ACIN1: variants seen among roughly 807,000 people sequenced by gnomAD.
The protein encoded by ACIN1 is apoptotic chromatin condensation inducer in the nucleus.
Under a neutral mutation model 146.6 loss-of-function variants are expected in ACIN1, and 16 were observed. The observed-to-expected ratio is 0.11, with a 90% CI of 0.07 to 0.17. The LOEUF is 0.17. Ranked by LOEUF, ACIN1 falls within the 10% of genes least tolerant of loss-of-function variation. ACIN1 has a pLI of 1.00. For synonymous variants in ACIN1, 569 were observed against 582.7 expected (o/e 0.98, Z 0.34); for missense variants, 1,357 against 1,609.3 (o/e 0.84, Z 2.68).
intron 9 of ACIN1, among the ~76,000 whole-genome samples, chr14:23,066,946 T>C (rs976739665): frequency 2.6e-5 from 4 of 152,102 alleles, no homozygotes; most frequent in Admixed American, 2.0e-4. Flanking sequence ...TGCTTATTTC[T>C]GGAAAAACTA....
chr14:23,067,896 G>A lies in ACIN1; in HGVS notation c.2265+1580C>T. 3 of 985,908 alleles carry A rather than the reference G, an allele frequency of 3.0e-6. No homozygotes were observed. The highest frequency in any genetic ancestry group is 3.6e-6 in the Non-Finnish European group (3 of 829,942). The allele number at this position is 985,908 out of a possible 1,614,324, so 61.1% of individuals were successfully genotyped here. ...TAGGTGAATACCCCAGGACCTGGCA[G>A]ACATTCAGCAGCAAGGTCAGAATAC... On this transcript the variant is annotated intron_variant, in intron 9 of 18. Coordinates refer to ENST00000605057, the MANE Select transcript of ACIN1 (RefSeq NM_001386863.1). The surrounding 1 kb of genome is among the most constrained non-coding windows in gnomAD (Gnocchi z 4.6).
chr14:23,080,172 G>C lies in ACIN1; in HGVS notation c.1163C>G (p.Pro388Arg), dbSNP rs753063259. ...EEIEPMEGPA[P>R]AVLIQLSPPN... ...AGGAGATAACTGAATGAGGACAGCG[G>C]GGGCTGGGCCTTCCATGGGCTCTAT... is the stretch of plus-strand genomic sequence containing the variant. The change falls in exon 6 of 19, where the codon CCC (proline) becomes CGC (arginine). Residue 388 changes from proline to arginine, a missense_variant. Coordinates refer to ENST00000605057, the MANE Select transcript of ACIN1 (RefSeq NM_001386863.1). The C allele has an allele frequency of 8.1e-6, 13 of 1,614,016 alleles. No homozygotes were observed. Among genetic ancestry groups the C allele is most frequent in the East Asian group, 2.2e-5 (1 of 44,886 alleles).
chr14:23,095,587 A>G, upstream of ACIN1: 1 of 391,668 alleles, frequency 2.6e-6, no homozygotes, highest in South Asian at 3.3e-5. Context: ...GACTCGTGAC[A>G]ATCTTCGGGT....
In ACIN1 at chr14:23,063,094, A is replaced by T. The variant is rs1372305321; in HGVS notation, c.2738-20T>A. 4 of 1,589,218 alleles carry T rather than the reference A, an allele frequency of 2.5e-6. No individual in the cohort carries two copies. Among genetic ancestry groups the T allele is most frequent in the Non-Finnish European group, 3.4e-6 (4 of 1,168,782 alleles). ...AAGTCACTATCAAGAAGACCACAAG[A>T]ACAGCTTTTGGTAGGAAGCAATACT... On this transcript the variant is annotated intron_variant, in intron 13 of 18. Coordinates refer to ENST00000605057, the MANE Select transcript of ACIN1 (RefSeq NM_001386863.1).
At position 23,064,386 on chromosome 14, in the gene ACIN1, G is replaced by A; in HGVS notation, c.2411C>T (p.Pro804Leu). The change falls in exon 11 of 19, where the codon CCT becomes CTT. Residue 804 changes from proline to leucine, a missense_variant. Coordinates refer to ENST00000605057, the MANE Select transcript of ACIN1 (RefSeq NM_001386863.1). ...TGATTCAGTGGTGATACTGATGGAA[G>A]GTTTCTTCTGTGTGGTGGCTGTGCT... ...GASTATTQKK[P>L]SISITTESLK... 1.2e-6 allele frequency: 2 copies of A among 1,614,270 alleles called. No individual in the cohort carries two copies. The highest frequency in any genetic ancestry group is 8.5e-7 in the Non-Finnish European group (1 of 1,180,048).
chr14:23,060,185 T>C (rs2047232081), intron 18 of ACIN1, among the ~76,000 whole-genome samples: 1 of 149,592 alleles, frequency 6.7e-6, no homozygotes, highest in African/African-American at 2.5e-5. Context: ...ATCAAACTCC[T>C]GGCTTAGATG....
intron 16 of ACIN1, among the ~76,000 whole-genome samples, chr14:23,061,936 T>C (rs150756113): frequency 6.0e-5 from 8 of 132,578 alleles, no homozygotes; most frequent in South Asian, 4.8e-4. Flanking sequence ...ATCGCGCCAC[T>C]GCACTCCAGC....
Position 23,069,201 on chromosome 14 carries a change from G to C in ACIN1, c.2265+275C>G, listed in dbSNP as rs1173521282. On this transcript the variant is annotated intron_variant, in intron 9 of 18. Transcript: ENST00000605057. Reference sequence around the variant, plus strand: ...AAGCTGAACATAAATCTTAGATAAAGGGCCATTATCAGACTTTCCCGTTAG... The same window carrying C: ...AAGCTGAACATAAATCTTAGATAAACGGCCATTATCAGACTTTCCCGTTAG... 4.3e-6 allele frequency: 5 copies of C among 1,149,962 alleles called. No individual in the cohort carries two copies. In the African/African-American group the frequency reaches 8.0e-5, roughly 18 times the overall value. The allele number at this position is 1,149,962 out of a possible 1,614,324, so 71.2% of individuals were successfully genotyped here. A position where few individuals can be genotyped will look rare whatever the true frequency, so the allele number is the denominator to read the frequency against.
Position 23,061,528 on chromosome 14 carries a change from G to T in ACIN1, c.3194C>A (p.Pro1065His). The change falls in exon 17 of 19, where the codon CCC becomes CAC. Residue 1065 changes from proline to histidine, a missense_variant. Physicochemically the swap from Pro to His is moderately conservative, Grantham distance 77. This residue lies in a region of ACIN1 where 509 missense variants were observed against 719.6 expected (regional missense o/e 0.71). Coordinates refer to ENST00000605057, the MANE Select transcript of ACIN1 (RefSeq NM_001386863.1). ...IPRPLHPPPP[P>H]PVQPPQHPRA... is the part of the protein sequence containing the mutation. ...GGGGTGCTGTGGTGGCTGGACCGGGGGTGGGGGTGGGGGGTGCAGGGGCCG... is the reference window on the plus strand; with the variant it reads ...GGGGTGCTGTGGTGGCTGGACCGGGTGTGGGGGTGGGGGGTGCAGGGGCCG... 2 of 1,604,142 alleles carry T rather than the reference G, an allele frequency of 1.2e-6. No homozygotes were observed. Among genetic ancestry groups the T allele is most frequent in the Non-Finnish European group, 8.5e-7 (1 of 1,175,644 alleles).
At position 23,068,327 on chromosome 14, in the gene ACIN1, T is replaced by C; in HGVS notation, c.2265+1149A>G. ...CACAGTCCTCAAAAGGGCAAGGGCA[T>C]GTGGGCAGGCGCCCCAGCACTGGCA... On this transcript the variant is annotated intron_variant, in intron 9 of 18. Coordinates refer to ENST00000605057, the MANE Select transcript of ACIN1 (RefSeq NM_001386863.1). The surrounding 1 kb of genome is among the most constrained non-coding windows in gnomAD (Gnocchi z 4.3). 1 of 985,944 alleles carries C rather than the reference T, an allele frequency of 1.0e-6. No individual in the cohort carries two copies. Among genetic ancestry groups the C allele is most frequent in the Non-Finnish European group, 1.2e-6 (1 of 829,976 alleles). The allele number at this position is 985,944 out of a possible 1,614,324, so 61.1% of individuals were successfully genotyped here. A position where few individuals can be genotyped will look rare whatever the true frequency, so the allele number is the denominator to read the frequency against.
At position 23,080,847 on chromosome 14, in the gene ACIN1, G is replaced by T. The variant is rs760220160; in HGVS notation, c.526-38C>A. On this transcript the variant is annotated intron_variant, in intron 5 of 18. Coordinates refer to ENST00000605057, the MANE Select transcript of ACIN1 (RefSeq NM_001386863.1). Reference sequence around the variant, plus strand: ...ATACACAATGGCTCCAAATGTATTTGCTCACAGTCAACAGAGGAGAGAAAG... The same window carrying T: ...ATACACAATGGCTCCAAATGTATTTTCTCACAGTCAACAGAGGAGAGAAAG... 7.1e-6 allele frequency: 11 copies of T among 1,552,248 alleles called. No individual in the cohort carries two copies. The East Asian group carries it at 2.5e-4, about 35-fold the overall frequency.
Position 23,062,158 on chromosome 14 carries a change from G to A in ACIN1, c.3099+10C>T. Reference sequence around the variant, plus strand: ...GCCCCTCCTCTCTTTCCTCTCCCTAGGTTTCTTACCTCATCTTGCTCGGCA... The same window carrying A: ...GCCCCTCCTCTCTTTCCTCTCCCTAAGTTTCTTACCTCATCTTGCTCGGCA... On this transcript the variant is annotated intron_variant, in intron 16 of 18. Transcript: ENST00000605057. 6.2e-7 allele frequency: 1 copy of A among 1,611,456 alleles called. No homozygotes were observed. The highest frequency in any genetic ancestry group is 8.5e-7 in the Non-Finnish European group (1 of 1,177,776).
intron 4 of ACIN1, among the ~76,000 whole-genome samples, chr14:23,082,765 GTTT>G (rs2047980689): frequency 6.9e-6 from 1 of 145,790 alleles, no homozygotes; most frequent in South Asian, 2.2e-4. Flanking sequence ...TTGAGACAGA[GTTT>G]TGCTCTTGTT....
At chr14:23,078,703 C>T in intron 7 of ACIN1, 117 bp downstream of exon 7, 2 of 1,079,904 alleles carry the variant, frequency 1.9e-6, no homozygotes, top group South Asian at 1.6e-5. Flanking sequence ...AACAGGTATC[C>T]ACCACATTTC....
At chr14:23,061,716 G>A (rs529565148) in intron 16 of ACIN1, 94 bp from the exon 17 acceptor site, 811 of 1,172,328 alleles carry the variant, frequency 6.9e-4, no homozygotes, top group Non-Finnish European at 9.0e-4. Context: ...GCTCACGCCT[G>A]TAATCCCAGC....
chr14:23,080,915 T>C (rs559780936), intron 5 of ACIN1, 106 bp from the exon 6 acceptor site: 7 of 1,498,038 alleles, frequency 4.7e-6, no homozygotes, highest in Non-Finnish European at 6.2e-6. Context: ...TTCAATGATA[T>C]ATACTTTCAG....
At chr14:23,084,633 AC>A (rs1022669553) in intron 4 of ACIN1, among the ~76,000 whole-genome samples, 1 of 151,238 alleles carries the variant, frequency 6.6e-6, no homozygotes, top group African/African-American at 2.4e-5. Context: ...AAAAAAAAAA[AC>A]CCAAAATGAA....
chr14:23,080,681 C>G lies in ACIN1; in HGVS notation c.654G>C (p.Glu218Asp). 6.2e-7 allele frequency: 1 copy of G among 1,613,962 alleles called. No homozygotes were observed. The highest frequency in any genetic ancestry group is 1.1e-5 in the South Asian group (1 of 91,078). The change falls in exon 6 of 19, where the codon GAG becomes GAC. Residue 218 changes from glutamate (E) to aspartate (D), a missense_variant. By Grantham distance (45) the Glu-to-Asp change is conservative. Coordinates refer to ENST00000605057, the MANE Select transcript of ACIN1 (RefSeq NM_001386863.1). ...CTTCATCATCTTCTTCCTCCTCCTC[C>G]TCCTCCTCTTCTTCCTCCTCTGTTT... ...NLKTEEEEEE[E>D]EEEEEDDEEE... is the part of the protein sequence containing the mutation.
intron 18 of ACIN1, among the ~76,000 whole-genome samples, chr14:23,060,599 G>A (rs940059177): frequency 6.6e-6 from 1 of 151,336 alleles, no homozygotes; most frequent in Admixed American, 6.6e-5. Flanking sequence ...TGCAACCTCC[G>A]CCTCCCGGGT....
Sources: allele counts gnomAD v4.1 joint callset (sites outside exome capture counted in the v4.1 genomes callset), GRCh38; gene constraint gnomAD v4.1.1; regional missense constraint gnomAD v4.1.1; non-coding constraint Gnocchi (gnomAD v3.1); transcripts MANE v1.5; gene names NCBI Gene and HGNC (gene_info 2026-07-23, HGNC 2026-07-21).